The following PAK5 variants were observed in gnomAD, a reference collection of about 807,000 sequenced individuals.
The protein encoded by PAK5 is serine/threonine-protein kinase PAK 5.
PAK5 carries 16 observed loss-of-function variants against 65.9 expected under a neutral mutation model. The ratio of observed to expected loss-of-function variants is 0.24; its 90% CI spans 0.16 to 0.37. The LOEUF is 0.37. Among genes scored for constraint, PAK5 ranks in the 10% least tolerant of loss-of-function variants. PAK5 has a pLI of 1.00. For synonymous variants in PAK5, 371 were observed against 354.9 expected (o/e 1.05, Z -0.51); for missense variants, 785 against 903.9 (o/e 0.87, Z 1.69).
chr20:9,688,533 CT>C (rs2047750918), intron 2 of PAK5, among the ~76,000 whole-genome samples: 1 of 151,980 alleles, frequency 6.6e-6, no homozygotes, highest in Non-Finnish European at 1.5e-5. Context: ...CTTGGGGCTT[CT>C]TTCCTGCTGC....
At chr20:9,566,517 C>A (rs998885074) in intron 4 of PAK5, 133 bp from the exon 5 acceptor site, 7 of 849,394 alleles carry the variant, frequency 8.2e-6, no homozygotes, top group Non-Finnish European at 1.3e-5. Context: ...GGCTGGGGCA[C>A]CAACAGGACC....
chr20:9,736,523 A>C (rs554315235), intron 1 of PAK5, among the ~76,000 whole-genome samples: 2 of 152,210 alleles, frequency 1.3e-5, no homozygotes, highest in Non-Finnish European at 2.9e-5. Flanking sequence ...CCTCAAGCCC[A>C]GTCATAAGAG....
intron 4 of PAK5, among the ~76,000 whole-genome samples, chr20:9,578,456 G>C (rs1237977683): frequency 6.6e-6 from 1 of 152,138 alleles, no homozygotes; most frequent in Non-Finnish European, 1.5e-5. Context: ...CCAACATCCA[G>C]GAAGAGCCAA....
chr20:9,557,550 C>T (rs1342967771), intron 7 of PAK5, 58 bp downstream of exon 7: 8 of 1,473,730 alleles, frequency 5.4e-6, no homozygotes, highest in African/African-American at 4.2e-5. Context: ...AAGAGTTATG[C>T]CCATGACAGA....
rs1370925572 is a variant in PAK5, at chr20:9,537,982, A to G, written c.*1480T>C. On this transcript the variant is annotated 3_prime_UTR_variant, in exon 10 of 10. Coordinates refer to ENST00000353224, the MANE Select transcript of PAK5 (RefSeq NM_177990.4). The stretch of plus-strand genomic sequence containing the variant: ...TCACAAATTTAAATTCATATTTGTT[A>G]CAGTATGTGAAATAGTTAAGAAAAG... The G allele has an allele frequency of 4.3e-6, 1 of 231,790 alleles. No homozygotes were observed. Among genetic ancestry groups the G allele is most frequent in the East Asian group, 6.2e-5 (1 of 16,212 alleles). The allele number at this position is 231,790 out of a possible 1,614,324, so 14.4% of individuals were successfully genotyped here.
intron 4 of PAK5, 104 bp downstream of exon 4, chr20:9,580,041 A>G: frequency 9.9e-7 from 1 of 1,006,728 alleles, no homozygotes; most frequent in Non-Finnish European, 1.5e-6. Context: ...TTCCCTTAAA[A>G]GGCAAACAAG....
chr20:9,731,521 G>A (rs2048334906), intron 1 of PAK5, among the ~76,000 whole-genome samples: 1 of 152,104 alleles, frequency 6.6e-6, no homozygotes, highest in South Asian at 2.1e-4. Flanking sequence ...AAGTCTAGAG[G>A]AACTCTGTGA....
chr20:9,740,437 C>T (rs1298168069), intron 1 of PAK5, among the ~76,000 whole-genome samples: 2 of 152,160 alleles, frequency 1.3e-5, no homozygotes, highest in Non-Finnish European at 2.9e-5. Context: ...ATGCCTCCAT[C>T]ATTCACCCTC....
rs532629794 is a variant in PAK5, at chr20:9,838,400, T to C, written c.-162+362A>G. On this transcript the variant is annotated intron_variant, in intron 1 of 9. Transcript: ENST00000353224. This position sits in a 1 kb window ranked among gnomAD's most constrained non-coding sequence, Gnocchi z 4.5. ...GCGCTGCTGTATACACACAAAGAACTGGTGCTGGGCTTGCGAGCAGTTCGG... is the reference window on the plus strand; with the variant it reads ...GCGCTGCTGTATACACACAAAGAACCGGTGCTGGGCTTGCGAGCAGTTCGG... Among the ~76,000 whole-genome samples the C allele has an allele frequency of 2.6e-4, 39 of 152,168 alleles. No homozygotes were observed. The highest frequency in any genetic ancestry group is 9.2e-4 in the African/African-American group (38 of 41,512).
chr20:9,544,860 C>T (rs1194134031), intron 7 of PAK5, among the ~76,000 whole-genome samples: 3 of 152,230 alleles, frequency 2.0e-5, no homozygotes, highest in Admixed American at 1.3e-4. Flanking sequence ...CTTTCATATA[C>T]ATAAGTTGCT....
chr20:9,674,110 G>T (rs2047536154), intron 2 of PAK5, among the ~76,000 whole-genome samples: 1 of 152,150 alleles, frequency 6.6e-6, no homozygotes, highest in African/African-American at 2.4e-5. Context: ...GGAAAGAAAA[G>T]CCCCAAAAGC....
chr20:9,738,199 C>G (rs2048412025), intron 1 of PAK5, among the ~76,000 whole-genome samples: 1 of 151,984 alleles, frequency 6.6e-6, no homozygotes, highest in African/African-American at 2.4e-5. Flanking sequence ...AACTGGAACT[C>G]TTACACATTC....
Position 9,539,243 on chromosome 20 carries a change from A to G in PAK5, c.*219T>C, listed in dbSNP as rs1268986693. On this transcript the variant is annotated 3_prime_UTR_variant, in exon 10 of 10. Coordinates refer to ENST00000353224, the MANE Select transcript of PAK5 (RefSeq NM_177990.4). ...GAAAAATATAATAATGACTTATTAA[A>G]GCCGTGCTCCAAGTGACCACACCGG... is the stretch of plus-strand genomic sequence containing the variant. 6.1e-6 allele frequency: 3 copies of G among 490,466 alleles called. No individual in the cohort carries two copies. Among genetic ancestry groups the G allele is most frequent in the Non-Finnish European group, 7.4e-6 (2 of 271,036 alleles). 30.4% of individuals were successfully genotyped at this position (490,466 alleles called of 1,614,324 possible).
At chr20:9,767,663 G>T (rs2048784293) in intron 1 of PAK5, among the ~76,000 whole-genome samples, 1 of 152,028 alleles carries the variant, frequency 6.6e-6, no homozygotes. Context: ...GATAGTTTGG[G>T]GTTACCACCT....
intron 1 of PAK5, among the ~76,000 whole-genome samples, chr20:9,768,585 C>G (rs764842263): frequency 8.7e-4 from 133 of 152,182 alleles, no homozygotes; most frequent in Non-Finnish European, 1.6e-3. Context: ...GAGTTCTCAA[C>G]CAGCCTGGCC....
chr20:9,574,216 C>A (rs558755986), intron 4 of PAK5, among the ~76,000 whole-genome samples: 1 of 152,278 alleles, frequency 6.6e-6, no homozygotes, highest in South Asian at 2.1e-4. Flanking sequence ...TCTGGTTGTG[C>A]CCTGCAAATG....
intron 1 of PAK5, among the ~76,000 whole-genome samples, chr20:9,797,764 T>C (rs1356955443): frequency 6.6e-6 from 1 of 151,896 alleles, no homozygotes; most frequent in African/African-American, 2.4e-5. Flanking sequence ...GAGTTCCACT[T>C]TGGATATGTC....
chr20:9,679,977 C>T (rs571071768), intron 2 of PAK5, among the ~76,000 whole-genome samples: 2 of 152,274 alleles, frequency 1.3e-5, no homozygotes, highest in South Asian at 2.1e-4. Context: ...AGGGATATTC[C>T]CTGTGGCATG....
At chr20:9,661,553 A>C (rs1267127741) in intron 2 of PAK5, among the ~76,000 whole-genome samples, 1 of 152,208 alleles carries the variant, frequency 6.6e-6, no homozygotes, top group Non-Finnish European at 1.5e-5. Flanking sequence ...GCTATTTACA[A>C]GTTAATATTT....
Sources: gnomAD v4.1 joint callset for allele counts (sites outside exome capture counted in the v4.1 genomes callset) on GRCh38, gnomAD v4.1.1 for gene constraint, Gnocchi (gnomAD v3.1) non-coding constraint, MANE v1.5 for transcripts, NCBI Gene and HGNC (gene_info 2026-07-23, HGNC 2026-07-21) for gene names.